Variants in CARD14 observed in about 807,000 individuals in gnomAD.
CARD14 encodes caspase recruitment domain family member 14.
CARD14 carries 107 observed loss-of-function variants against 111.5 expected under a neutral mutation model. The ratio of observed to expected loss-of-function variants is 0.96; its 90% confidence interval spans 0.82 to 1.13. The LOEUF (loss-of-function observed/expected upper bound fraction) is 1.13, where lower values mean the gene tolerates loss of function less well. CARD14 is among the 50% of genes most tolerant of loss of function. The probability of loss-of-function intolerance (pLI) is 0.00; values close to 1 mark genes in which losing one functional copy is unlikely to be tolerated. For synonymous variants in CARD14, 617 were observed against 579.6 expected, an observed-to-expected ratio of 1.06 and a Z score of -0.93; for missense variants, 1,322 against 1,362.3, an observed-to-expected ratio of 0.97 and a Z score of 0.47.
intron 22 of CARD14, 68 bp from the exon 23 acceptor site, chr17:80,206,902 G>C (rs918190968): frequency 1.7e-5 from 20 of 1,163,362 alleles, no homozygotes; most frequent in Admixed American, 4.0e-5. Context: ...TCTGACCTGG[G>C]CGTTGGCTCC....
rs748534099 is a variant in CARD14, at chr17:80,201,867, G to T, written c.1975G>T (p.Asp659Tyr). 2 of 1,612,414 alleles carry T rather than the reference G, an allele frequency of 1.2e-6. No individual in the cohort carries two copies. The highest frequency in any genetic ancestry group is 4.5e-5 in the East Asian group (2 of 44,878). Residue 659 changes from aspartate to tyrosine, a missense_variant, in exon 17 of 24, where the codon GAC becomes TAC. Transcript: ENST00000648509. The surrounding 1 kb of genome is among the most constrained non-coding windows in gnomAD (Gnocchi z 5.0). ...CTGCCTGTCTGTGAAGGTCAACACG[G>T]ACGGTACACATACCACTCCTCTCGT... The part of the protein sequence containing the change: ...FCCLSVKVNT[D>Y]GYKRLLQDLE...
rs376428578 is a variant in CARD14, at chr17:80,205,308, C to A, written c.2569+103C>A. On this transcript the variant is annotated intron_variant, in intron 21 of 23. Transcript: ENST00000648509. ...CCTTCCTCCCTCCTCCTTCCCTCCC[C>A]CACCACGCACATTCCCACACTCACC... 9.1e-6 allele frequency: 11 copies of A among 1,202,482 alleles called. No individual in the cohort carries two copies. In the African/African-American group the frequency reaches 1.6e-4, roughly 18 times the overall value. The allele number at this position is 1,202,482 out of a possible 1,614,324, so 74.5% of individuals were successfully genotyped here.
chr17:80,177,676 C>T (rs913672949), intron 2 of CARD14, among the ~76,000 whole-genome samples: 6 of 151,998 alleles, frequency 3.9e-5, no homozygotes, highest in South Asian at 2.1e-4. Context: ...GCCTGGGAGA[C>T]GAGCAAGACT....
rs1302822318 is a variant in CARD14, at chr17:80,195,091, CAGTT to C, written c.1357-99_1357-96del. ...TTTCCCCTCCTGCCTCCTCTCCAGT[CAGTT>C]CTCACTGTGGCTCTCTCTACACCGT... On this transcript the variant is annotated intron_variant, in intron 12 of 23. Coordinates refer to ENST00000648509, the MANE Select transcript of CARD14 (RefSeq NM_001366385.1). The surrounding 1 kb of genome is among the most constrained non-coding windows in gnomAD (Gnocchi z 4.7). 1.5e-5 allele frequency: 22 copies of C among 1,438,560 alleles called. No homozygotes were observed. The highest frequency in any genetic ancestry group is 2.0e-5 in the Non-Finnish European group (21 of 1,072,092). The allele number at this position is 1,438,560 out of a possible 1,614,324, so 89.1% of individuals were successfully genotyped here. A position where few individuals can be genotyped will look rare whatever the true frequency, so the allele number is the denominator to read the frequency against.
Position 80,204,290 on chromosome 17 carries a change from C to T in CARD14, c.2347C>T (p.Pro783Ser). Residue 783 changes from proline (P) to serine (S), a missense_variant, in exon 20 of 24, where the codon CCT becomes TCT. Coordinates refer to ENST00000648509, the MANE Select transcript of CARD14 (RefSeq NM_001366385.1). ...CAGTATGGACAAAGCCAAGGCCAGC[C>T]CTCTGCGTTTGTCCTTTGACAGGGG... Reference protein sequence around the residue: ...IVSMDKAKASPLRLSFDRGQL... With the variant: ...IVSMDKAKASSLRLSFDRGQL... 1 of 1,600,550 alleles carries T rather than the reference C, an allele frequency of 6.2e-7. No individual in the cohort carries two copies. The highest frequency in any genetic ancestry group is 8.5e-7 in the Non-Finnish European group (1 of 1,170,334).
chr17:80,208,426 G>A lies in CARD14; in HGVS notation c.*81G>A. 1 of 1,318,474 alleles carries A rather than the reference G, an allele frequency of 7.6e-7. No homozygotes were observed. The allele number at this position is 1,318,474 out of a possible 1,614,324, so 81.7% of individuals were successfully genotyped here. ...CCTGTTCCTCAGCCCAGGCCCTCTTGGCACAGCTGTGGGCTCCTTGGCACA... is the reference window on the plus strand; with the variant it reads ...CCTGTTCCTCAGCCCAGGCCCTCTTAGCACAGCTGTGGGCTCCTTGGCACA... On this transcript the variant is annotated 3_prime_UTR_variant, in exon 24 of 24. Coordinates refer to ENST00000648509, the MANE Select transcript of CARD14 (RefSeq NM_001366385.1).
chr17:80,200,024 G>A, intron 16 of CARD14, among the ~76,000 whole-genome samples: 1 of 152,078 alleles, frequency 6.6e-6, no homozygotes, highest in Non-Finnish European at 1.5e-5. Flanking sequence ...TGGGGGCTCT[G>A]GGGTGGGAAG....
rs761925557 is a variant in CARD14 at position 80,208,219 on chromosome 17, G to A, written c.2889G>A (p.Ala963=). 18 of 1,562,632 alleles carry A rather than the reference G, an allele frequency of 1.2e-5. No homozygotes were observed. The African/African-American group carries it at 1.2e-4, about 11-fold the overall frequency. Reference sequence around the variant, plus strand: ...AGGAGGAGGGAGACCTGGACCGGGCGCCCTGTCTATACAGCAGCCTGGCTC... The same window carrying A: ...AGGAGGAGGGAGACCTGGACCGGGCACCCTGTCTATACAGCAGCCTGGCTC... The part of the protein sequence containing the change: ...ARQEEGDLDR[A]PCLYSSLAPD... The change falls in exon 24 of 24, where the codon GCG becomes GCA. Residue 963 remains alanine (A), a synonymous_variant. Coordinates refer to ENST00000648509, the MANE Select transcript of CARD14 (RefSeq NM_001366385.1).
At chr17:80,184,549 G>A (rs1265489378) in intron 7 of CARD14, among the ~76,000 whole-genome samples, 1 of 152,254 alleles carries the variant, frequency 6.6e-6, no homozygotes, top group East Asian at 1.9e-4. Flanking sequence ...ACTCTGGGCT[G>A]CATATTTGTA....
intron 18 of CARD14, 101 bp downstream of exon 18, chr17:80,202,521 G>T: frequency 6.6e-7 from 1 of 1,513,838 alleles, no homozygotes; most frequent in East Asian, 2.4e-5. Context: ...AATAGAGGGT[G>T]GGCGTGGTGA....
rs1397512244 is a variant in CARD14, at chr17:80,209,314, T to C, written c.*969T>C. 1.0e-6 allele frequency: 1 copy of C among 985,188 alleles called. No individual in the cohort carries two copies. Among genetic ancestry groups the C allele is most frequent in the Admixed American group, 6.1e-5 (1 of 16,266 alleles). The allele number at this position is 985,188 out of a possible 1,614,324, so 61.0% of individuals were successfully genotyped here. On this transcript the variant is annotated 3_prime_UTR_variant, in exon 24 of 24. Transcript: ENST00000648509. Reference sequence around the variant, plus strand: ...AGAACTTCTGTATATTTTACTAAAATAAAAAGCTTTTACAATAGCTGGCCT... The same window carrying C: ...AGAACTTCTGTATATTTTACTAAAACAAAAAGCTTTTACAATAGCTGGCCT...
chr17:80,203,430 C>T lies in CARD14; in HGVS notation c.2220-392C>T, dbSNP rs1462369846. 1.5e-5 allele frequency: 3 copies of T among 196,892 alleles called. No homozygotes were observed. Among genetic ancestry groups the T allele is most frequent in the Admixed American group, 5.9e-5 (1 of 16,920 alleles). 12.2% of individuals were successfully genotyped at this position (196,892 alleles called of 1,614,324 possible). A position where few individuals can be genotyped will look rare whatever the true frequency, so the allele number is the denominator to read the frequency against. On this transcript the variant is annotated intron_variant, in intron 18 of 23. Coordinates refer to ENST00000648509, the MANE Select transcript of CARD14 (RefSeq NM_001366385.1). This position sits in a 1 kb window ranked among gnomAD's most constrained non-coding sequence, Gnocchi z 4.6. ...CAAGTCCCCTGGGGATCGGAGCCAG[C>T]AGGTCCAGGGAGAGGCCTGGCACTC...
At position 80,184,112 on chromosome 17, in the gene CARD14, G is replaced by A. The variant is rs1339796091; in HGVS notation, c.549G>A (p.Glu183=). 3 of 1,577,620 alleles carry A rather than the reference G, an allele frequency of 1.9e-6. No homozygotes were observed. Among genetic ancestry groups the A allele is most frequent in the East Asian group, 4.7e-5 (2 of 42,942 alleles). Reference sequence around the variant, plus strand: ...CTGACCACAGCCGCATGAAGCGTGAGGTTAGCGCACACTTCCATGAGGTGC... The same window carrying A: ...CTGACCACAGCCGCATGAAGCGTGAAGTTAGCGCACACTTCCATGAGGTGC... The part of the protein sequence containing the change: ...LEADHSRMKR[E]VSAHFHEVLR... The change falls in exon 7 of 24, where the codon GAG becomes GAA. Residue 183 remains glutamate, a synonymous_variant. Coordinates refer to ENST00000648509, the MANE Select transcript of CARD14 (RefSeq NM_001366385.1).
chr17:80,181,373 G>A (rs755331268), intron 4 of CARD14, 46 bp from the exon 5 acceptor site: 8 of 1,427,476 alleles, frequency 5.6e-6, no homozygotes, highest in Non-Finnish European at 7.7e-6. Context: ...GCTATCCTGG[G>A]GTCCTGCTTA....
chr17:80,173,322 A>ACG (rs1299045426), intron 2 of CARD14, 94 bp downstream of exon 2: 820 of 80,456 alleles, frequency 0.01, 8 homozygotes, highest in East Asian at 0.02. Context: ...ACACACACAC[A>ACG]CACGCGCGCG....
In CARD14 at chr17:80,188,395, G is replaced by A. The variant is rs200837077; in HGVS notation, c.694G>A (p.Glu232Lys). The change falls in exon 8 of 24, where the codon GAG (glutamate) becomes AAG (lysine). Residue 232 changes from glutamate (E) to lysine (K), a missense_variant. Physicochemically the swap from Glu to Lys is moderately conservative, Grantham distance 56. Coordinates refer to ENST00000648509, the MANE Select transcript of CARD14 (RefSeq NM_001366385.1). The surrounding 1 kb of genome is among the most constrained non-coding windows in gnomAD (Gnocchi z 4.5). The stretch of plus-strand genomic sequence containing the variant: ...CGCACAGCTGTATCTACTGAAGCAG[G>A]AGCTGCAGCGAGCCAACATGGTTTC... ...LQEELYLLKQ[E>K]LQRANMVSSC... The A allele has an allele frequency of 4.6e-5, 74 of 1,610,256 alleles. No individual in the cohort carries two copies. The highest frequency in any genetic ancestry group is 1.6e-4 in the Middle Eastern group (1 of 6,078).
intron 21 of CARD14, 142 bp from the exon 22 acceptor site, chr17:80,205,389 G>C: frequency 8.0e-7 from 1 of 1,246,644 alleles, no homozygotes; most frequent in East Asian, 2.5e-5. Flanking sequence ...GGGTGTGCAG[G>C]GTCAGGTTTG....
chr17:80,204,087 C>A, intron 19 of CARD14, 140 bp from the exon 20 acceptor site: 2 of 895,082 alleles, frequency 2.2e-6, no homozygotes, highest in Non-Finnish European at 3.4e-6. Flanking sequence ...CAAGTGCAGA[C>A]ACACCTCAGG....
At chr17:80,186,166 G>A (rs1261898776) in intron 7 of CARD14, among the ~76,000 whole-genome samples, 3 of 152,184 alleles carry the variant, frequency 2.0e-5, no homozygotes, top group Non-Finnish European at 4.4e-5. Flanking sequence ...CCGTGCCAGT[G>A]CTCCACCTTG....
Sources: gnomAD v4.1 joint callset for allele counts (sites outside exome capture counted in the v4.1 genomes callset) on GRCh38, gnomAD v4.1.1 for gene constraint, Gnocchi (gnomAD v3.1) non-coding constraint, MANE v1.5 for transcripts, NCBI Gene and HGNC (gene_info 2026-07-23, HGNC 2026-07-21) for gene names.